MICAL2: variants seen among roughly 807,000 people sequenced by gnomAD.
MICAL2 encodes the protein [F-actin]-monooxygenase MICAL2.
A neutral mutation model predicts 127.3 loss-of-function variants in MICAL2; 77 were observed. The observed-to-expected ratio is 0.60, with a 90% CI of 0.50 to 0.73. MICAL2 has a LOEUF of 0.73. MICAL2 is among the 30% of genes least tolerant of loss of function. MICAL2 has a pLI of 0.00. For synonymous variants in MICAL2, 570 were observed against 551.1 expected, an observed-to-expected ratio of 1.03 and a Z score of -0.48; for missense variants, 1,351 against 1,434.4, an observed-to-expected ratio of 0.94 and a Z score of 0.94.
At chr11:12,276,044 G>A (rs1863719397), upstream of MICAL2, 13 of 399,168 alleles carry the variant, frequency 3.3e-5, no homozygotes, top group Admixed American at 8.8e-5. Context: ...ACAGTGATGC[G>A]GAAGGGGACG....
At chr11:12,113,255 G>A (rs550715411) in intron 1 of MICAL2, among the ~76,000 whole-genome samples, 43 of 152,306 alleles carry the variant, frequency 2.8e-4, no homozygotes, top group South Asian at 2.7e-3. Context: ...ACCCAGAAAG[G>A]TTACAACTTG....
intron 9 of MICAL2, 44 bp from the exon 10 acceptor site, chr11:12,221,600 G>A: frequency 7.4e-7 from 1 of 1,355,458 alleles, no homozygotes; most frequent in Non-Finnish European, 1.1e-6. Context: ...CATAGATCGG[G>A]AGTCATCAGA....
At chr11:12,260,054 G>A (rs1330104366) in intron 26 of MICAL2, 157 bp downstream of exon 26, 1 of 1,540,052 alleles carries the variant, frequency 6.5e-7, no homozygotes, top group South Asian at 1.2e-5. Context: ...CTGAGCCTGG[G>A]GCTGCCACTC....
chr11:12,175,725 G>A (rs1471865219), intron 3 of MICAL2, among the ~76,000 whole-genome samples: 1 of 152,092 alleles, frequency 6.6e-6, no homozygotes, highest in African/African-American at 2.4e-5. Context: ...TTTGAGCAGA[G>A]ACCTAAAGGA....
At chr11:12,320,478 G>A (rs549638572) in intron 30 of MICAL2, among the ~76,000 whole-genome samples, 93 of 152,164 alleles carry the variant, frequency 6.1e-4, no homozygotes, top group African/African-American at 2.1e-3. Context: ...GCCCATCATT[G>A]TTTTCTTTAT....
At chr11:12,262,588 G>A (rs545522600) in intron 27 of MICAL2, 51 bp downstream of exon 27, 77 of 1,468,414 alleles carry the variant, frequency 5.2e-5, no homozygotes, top group South Asian at 8.0e-5. Context: ...CCCCCAACCC[G>A]CTTTCCGCAC....
chr11:12,157,583 T>C (rs1276023071), intron 2 of MICAL2, among the ~76,000 whole-genome samples: 3 of 152,188 alleles, frequency 2.0e-5, no homozygotes, highest in Non-Finnish European at 4.4e-5. Context: ...GAAAGCCTCA[T>C]ATTTCTGGCT....
intron 2 of MICAL2, among the ~76,000 whole-genome samples, chr11:12,145,539 T>C (rs780545618): frequency 6.6e-6 from 1 of 152,218 alleles, no homozygotes; most frequent in Non-Finnish European, 1.5e-5. Flanking sequence ...CCCAATGTCC[T>C]ATGCTTGGAC....
chr11:12,157,610 A>G (rs185255183), intron 2 of MICAL2, among the ~76,000 whole-genome samples: 53 of 152,264 alleles, frequency 3.5e-4, no homozygotes, highest in African/African-American at 1.2e-3. Flanking sequence ...TTTTATTTCT[A>G]TTGCATATCA....
chr11:12,240,075 A>T (rs1012483003), intron 17 of MICAL2, among the ~76,000 whole-genome samples: 2 of 152,226 alleles, frequency 1.3e-5, no homozygotes, highest in African/African-American at 4.8e-5. Flanking sequence ...GAGAAGATCC[A>T]TCCTAACCAG....
chr11:12,257,670 G>T (rs1862504610), intron 24 of MICAL2, among the ~76,000 whole-genome samples: 1 of 152,190 alleles, frequency 6.6e-6, no homozygotes, highest in Admixed American at 6.5e-5. Flanking sequence ...GTAAAATGAG[G>T]TTAACGGTAG....
At chr11:12,190,762 C>T (rs1185157007) in intron 3 of MICAL2, among the ~76,000 whole-genome samples, 1 of 152,176 alleles carries the variant, frequency 6.6e-6, no homozygotes, top group East Asian at 1.9e-4. Flanking sequence ...CAGAGTTGAA[C>T]AGATTTGGGT....
intron 6 of MICAL2, 35 bp from the exon 7 acceptor site, chr11:12,213,220 A>G (rs748252885): frequency 6.4e-7 from 1 of 1,572,672 alleles, no homozygotes; most frequent in South Asian, 1.2e-5. Flanking sequence ...CCAAATCCAG[A>G]AGATAGACCC....
At chr11:12,300,886 C>A (rs1205107125) in intron 29 of MICAL2, among the ~76,000 whole-genome samples, 1 of 152,152 alleles carries the variant, frequency 6.6e-6, no homozygotes, top group Non-Finnish European at 1.5e-5. Context: ...ATAGAAAAAC[C>A]CATACAAGTA....
chr11:12,129,275 T>C (rs1435396788), intron 1 of MICAL2, among the ~76,000 whole-genome samples: 4 of 152,214 alleles, frequency 2.6e-5, no homozygotes, highest in Admixed American at 2.6e-4. Context: ...CTCTCAGGAT[T>C]TGGAAAATGT....
intron 3 of MICAL2, among the ~76,000 whole-genome samples, chr11:12,199,501 C>T (rs1047939614): frequency 6.6e-6 from 1 of 152,176 alleles, no homozygotes; most frequent in African/African-American, 2.4e-5. Context: ...GACTGCTAAC[C>T]CCTGGCTTAG....
intron 17 of MICAL2, 39 bp from the exon 18 acceptor site, chr11:12,241,001 C>T (rs1859848229): frequency 6.2e-7 from 1 of 1,609,288 alleles, no homozygotes; most frequent in Non-Finnish European, 8.5e-7. Context: ...CTTCATGTCT[C>T]CTGTGGCTGC....
At chr11:12,207,235 A>G (rs1459513066) in intron 4 of MICAL2, among the ~76,000 whole-genome samples, 1 of 151,946 alleles carries the variant, frequency 6.6e-6, no homozygotes, top group Non-Finnish European at 1.5e-5. Flanking sequence ...GTCTTGCCCC[A>G]TTCTATTTAC....
chr11:12,339,365 A>T (rs995242236), intron 32 of MICAL2, among the ~76,000 whole-genome samples: 5 of 152,006 alleles, frequency 3.3e-5, no homozygotes, highest in Non-Finnish European at 7.4e-5. Flanking sequence ...TTTTTTTTCA[A>T]GGTTTTTAAC....
Sources: gnomAD v4.1 joint callset for allele counts (sites outside exome capture counted in the v4.1 genomes callset) on GRCh38, gnomAD v4.1.1 for gene constraint, MANE v1.5 for transcripts, NCBI Gene and HGNC (gene_info 2026-07-23, HGNC 2026-07-21) for gene names.